Variants in AGTPBP1 observed in about 807,000 individuals in gnomAD.
AGTPBP1 encodes the protein ATP/GTP binding carboxypeptidase 1.
A neutral mutation model predicts 143.9 loss-of-function variants in AGTPBP1; 70 were observed. The observed-to-expected ratio is 0.49, with a 90% CI of 0.40 to 0.59. The LOEUF (loss-of-function observed/expected upper bound fraction) is 0.59, where lower values mean the gene tolerates loss of function less well. Among genes scored for constraint, AGTPBP1 ranks in the 20% least tolerant of loss-of-function variants. AGTPBP1 has a pLI of 0.00. For synonymous variants in AGTPBP1, 463 were observed against 500.2 expected, an observed-to-expected ratio of 0.93 and a Z score of 0.99; for missense variants, 1,229 against 1,464.5, an observed-to-expected ratio of 0.84 and a Z score of 2.62.
intron 8 of AGTPBP1, among the ~76,000 whole-genome samples, chr9:85,662,002 A>G (rs1833879556): frequency 6.6e-6 from 1 of 152,310 alleles, no homozygotes; most frequent in South Asian, 2.1e-4. Flanking sequence ...TACAATCTAC[A>G]TAATGTAATA....
At chr9:85,773,542 T>C in the AGTPBP1 span, among the ~76,000 whole-genome samples, 1 of 151,560 alleles carries the variant, frequency 6.6e-6, no homozygotes, top group Admixed American at 6.6e-5. Context: ...TTTACTATGT[T>C]GGTCAGGTTG....
chr9:85,787,718 TG>T, the AGTPBP1 span, among the ~76,000 whole-genome samples: 1 of 152,248 alleles, frequency 6.6e-6, no homozygotes, highest in Admixed American at 6.5e-5. Context: ...TTATTTAGGT[TG>T]TTCTTTGTTA....
chr9:85,795,807 G>A, the AGTPBP1 span, among the ~76,000 whole-genome samples: 1 of 149,686 alleles, frequency 6.7e-6, no homozygotes, highest in African/African-American at 2.5e-5. Flanking sequence ...GTTTTTTATG[G>A]CTGTGACTAT....
At chr9:85,646,486 G>C (rs1476861398) in intron 11 of AGTPBP1, 68 bp from the exon 12 acceptor site, 1 of 1,039,380 alleles carries the variant, frequency 9.6e-7, no homozygotes. Flanking sequence ...GCCAATGGTA[G>C]AATGTGACTT....
intron 13 of AGTPBP1, among the ~76,000 whole-genome samples, chr9:85,637,474 C>G (rs1832146455): frequency 6.6e-6 from 1 of 152,156 alleles, no homozygotes; most frequent in African/African-American, 2.4e-5. Flanking sequence ...AAAATACTAT[C>G]AAGCAATAAG....
At chr9:85,654,037 C>G (rs1397778003) in intron 11 of AGTPBP1, among the ~76,000 whole-genome samples, 1 of 152,086 alleles carries the variant, frequency 6.6e-6, no homozygotes, top group African/African-American at 2.4e-5. Context: ...AAAATAAAAT[C>G]ATAATAGTGT....
At chr9:85,548,604 A>G (rs1346649490) in intron 25 of AGTPBP1, among the ~76,000 whole-genome samples, 1 of 151,718 alleles carries the variant, frequency 6.6e-6, no homozygotes, top group Non-Finnish European at 1.5e-5. Flanking sequence ...AATATTTAGT[A>G]TGAATCTGTT....
intron 8 of AGTPBP1, among the ~76,000 whole-genome samples, chr9:85,667,015 G>C (rs1036821757): frequency 6.6e-6 from 1 of 151,986 alleles, no homozygotes; most frequent in Non-Finnish European, 1.5e-5. Context: ...GGAAACTGGG[G>C]CATAATAAAT....
intron 23 of AGTPBP1, among the ~76,000 whole-genome samples, chr9:85,582,504 C>T (rs571713065): frequency 3.9e-5 from 6 of 152,134 alleles, no homozygotes; most frequent in Middle Eastern, 3.4e-3. Context: ...TGGTGAAACC[C>T]CATCTCTACT....
chr9:85,731,959 G>A (rs1838911276), intron 1 of AGTPBP1, among the ~76,000 whole-genome samples: 1 of 152,106 alleles, frequency 6.6e-6, no homozygotes, highest in Non-Finnish European at 1.5e-5. Flanking sequence ...CTTATAAAAA[G>A]TCTAATTAGT....
chr9:85,741,493 C>T, intron 1 of AGTPBP1: 2 of 985,408 alleles, frequency 2.0e-6, no homozygotes, highest in Non-Finnish European at 2.4e-6. Context: ...CCGATACCCT[C>T]CGCAAGGTCT....
In AGTPBP1 at chr9:85,579,005, C is replaced by T; in HGVS notation, c.3257G>A (p.Arg1086His). The T allele has an allele frequency of 1.2e-6, 2 of 1,612,232 alleles. No homozygotes were observed. The highest frequency in any genetic ancestry group is 1.7e-6 in the Non-Finnish European group (2 of 1,179,408). ...VVEKSKESTA[R>H]VVVWREIGVQ... The stretch of plus-strand genomic sequence containing the variant: ...TCCTATTTCCCTCCAAACTACAACA[C>T]GTGCTGTGGATTCTTTAGATTTTTC... The change falls in exon 24 of 26, where the codon CGT becomes CAT. Residue 1086 changes from arginine to histidine, a missense_variant. This residue lies in a region of AGTPBP1 where 486 missense variants were observed against 652.3 expected (regional missense o/e 0.75). Transcript: ENST00000357081.
intron 13 of AGTPBP1, among the ~76,000 whole-genome samples, chr9:85,641,627 T>C (rs1003693340): frequency 2.0e-5 from 3 of 152,110 alleles, no homozygotes; most frequent in Non-Finnish European, 2.9e-5. Context: ...TTTTATGGCA[T>C]CTAAGGCTCC....
intron 23 of AGTPBP1, among the ~76,000 whole-genome samples, chr9:85,580,756 C>A (rs890876089): frequency 3.9e-5 from 6 of 151,968 alleles, no homozygotes; most frequent in Non-Finnish European, 5.9e-5. Flanking sequence ...ACAGAGACTA[C>A]TAAGTAAATA....
At chr9:85,803,071 C>T in the AGTPBP1 span, among the ~76,000 whole-genome samples, 14 of 152,142 alleles carry the variant, frequency 9.2e-5, no homozygotes, top group African/African-American at 2.9e-4. Context: ...AAAATAGAAG[C>T]AACTGGAAGA....
chr9:85,714,472 C>T (rs533372015), intron 1 of AGTPBP1, among the ~76,000 whole-genome samples: 1 of 152,258 alleles, frequency 6.6e-6, no homozygotes, highest in Non-Finnish European at 1.5e-5. Flanking sequence ...TTTATATGCC[C>T]TTCTATGCAG....
chr9:85,733,773 T>A (rs1408134299), intron 1 of AGTPBP1, among the ~76,000 whole-genome samples: 1 of 152,142 alleles, frequency 6.6e-6, no homozygotes, highest in Non-Finnish European at 1.5e-5. Context: ...GGGGAGACAT[T>A]CATGACCAAT....
rs1587915828 is a variant in AGTPBP1 at position 85,692,879 on chromosome 9, T to C, written c.33-66A>G. Reference sequence around the variant, plus strand: ...TGGTGTAAATTCAATACTATAACGATCACTGTTTAAAAAACAATTCTACTC... The same window carrying C: ...TGGTGTAAATTCAATACTATAACGACCACTGTTTAAAAAACAATTCTACTC... On this transcript the variant is annotated intron_variant, in intron 2 of 25. Coordinates refer to ENST00000357081, the MANE Select transcript of AGTPBP1 (RefSeq NM_001330701.2). 27 of 1,541,050 alleles carry C rather than the reference T, an allele frequency of 1.8e-5. No individual in the cohort carries two copies. The East Asian group carries it at 5.7e-4, about 32-fold the overall frequency.
rs182822540 is a variant in AGTPBP1 at position 85,716,655 on chromosome 9, C to T, written c.-33-4089G>A. Among the ~76,000 whole-genome samples, 64 of 152,286 alleles carry T rather than the reference C, an allele frequency of 4.2e-4. 1 individual carries two copies. The East Asian group carries it at 9.8e-3, about 23-fold the overall frequency. ...TCTGATCACTTTACCACATCTACCA[C>T]GGTCAAGTAAACAATGTCACTAGTC... On this transcript the variant is annotated intron_variant, in intron 1 of 25. Transcript: ENST00000357081.
Sources: allele counts gnomAD v4.1 joint callset (sites outside exome capture counted in the v4.1 genomes callset), GRCh38; gene constraint gnomAD v4.1.1; regional missense constraint gnomAD v4.1.1; transcripts MANE v1.5; gene names NCBI Gene and HGNC (gene_info 2026-07-23, HGNC 2026-07-21).